Variants in STK35 observed in about 807,000 individuals in gnomAD.
STK35 encodes the protein serine/threonine-protein kinase 35.
A neutral mutation model predicts 37.3 loss-of-function variants in STK35; 17 were observed. The ratio of observed to expected loss-of-function variants is 0.46; its 90% CI spans 0.31 to 0.68. The LOEUF (loss-of-function observed/expected upper bound fraction) is 0.68, where lower values mean the gene tolerates loss of function less well. Among genes scored for constraint, STK35 ranks in the 30% least tolerant of loss-of-function variants. The pLI, the probability that STK35 is intolerant of heterozygous loss-of-function variation, is 0.05. For missense variants in STK35, 595 were observed against 746.7 expected (o/e 0.80, Z 2.37); for synonymous variants, 385 against 319.1 (o/e 1.21, Z -2.20).
chr20:2,115,096 C>T (rs1985690966), intron 2 of STK35, among the ~76,000 whole-genome samples: 1 of 152,168 alleles, frequency 6.6e-6, no homozygotes, highest in Non-Finnish European at 1.5e-5. Context: ...CTGGTTCTAC[C>T]TGTATTACTT....
At chr20:2,103,509 G>A (rs983286544) in intron 2 of STK35, 144 bp downstream of exon 2, 1 of 760,802 alleles carries the variant, frequency 1.3e-6, no homozygotes, top group African/African-American at 1.8e-5. Flanking sequence ...CCTTTCCTGG[G>A]CCCAGGCATT....
At chr20:2,130,234 C>T (rs759135562) in intron 3 of STK35, among the ~76,000 whole-genome samples, 10 of 152,092 alleles carry the variant, frequency 6.6e-5, no homozygotes, top group South Asian at 2.1e-4. Flanking sequence ...AAGTGGCGCC[C>T]GTTTATCTGG....
chr20:2,138,090 G>T (rs1378980138), intron 3 of STK35, among the ~76,000 whole-genome samples: 1 of 152,228 alleles, frequency 6.6e-6, no homozygotes, highest in Non-Finnish European at 1.5e-5. Flanking sequence ...CAGCTAGCAT[G>T]TCATAGGTAT....
Position 2,103,223 on chromosome 20 carries a change from C to A in STK35, c.750C>A (p.Ala250=), listed in dbSNP as rs781273816. The A allele has an allele frequency of 6.2e-7, 1 of 1,612,482 alleles. No homozygotes were observed. The highest frequency in any genetic ancestry group is 8.5e-7 in the Non-Finnish European group (1 of 1,179,790). ...AGCTGGCGCTGGCTGAATTCTGGGC[C>A]CTCACCAGCCTCAAGCGGCGCCACC... ...NVELALAEFW[A]LTSLKRRHQN... is the part of the protein sequence containing the mutation. Residue 250 remains alanine (A), a synonymous_variant, in exon 2 of 4, where the codon GCC becomes GCA. Transcript: ENST00000381482.
rs1265101662 is a variant in STK35, at chr20:2,117,654, A to T, written c.*37+239A>T. Among the ~76,000 whole-genome samples, 3 of 152,156 alleles carry T rather than the reference A, an allele frequency of 2.0e-5. No individual in the cohort carries two copies. The highest frequency in any genetic ancestry group is 7.2e-5 in the African/African-American group (3 of 41,428). ...GAGACGGAGTTTCACCATGTTGGCT[A>T]GGCTGGTCTCAAACTTCTGACCTCA... On this transcript the variant is annotated intron_variant, in intron 3 of 3. Transcript: ENST00000381482. The surrounding 1 kb of genome is among the most constrained non-coding windows in gnomAD (Gnocchi z 4.4).
intron 3 of STK35, among the ~76,000 whole-genome samples, chr20:2,120,806 A>G (rs1473503341): frequency 6.6e-6 from 1 of 152,196 alleles, no homozygotes; most frequent in Non-Finnish European, 1.5e-5. Flanking sequence ...GACAGTACCC[A>G]TAGGTAATGT....
chr20:2,141,346 A>G (rs954475466), intron 3 of STK35, among the ~76,000 whole-genome samples: 2 of 152,206 alleles, frequency 1.3e-5, no homozygotes, highest in Non-Finnish European at 1.5e-5. Context: ...GCAGAGTGAA[A>G]GACTGGGCCC....
At chr20:2,138,601 G>A (rs1440733431) in intron 3 of STK35, among the ~76,000 whole-genome samples, 1 of 152,186 alleles carries the variant, frequency 6.6e-6, no homozygotes, top group Non-Finnish European at 1.5e-5. Flanking sequence ...GATAAACCTC[G>A]TGGTTACCAG....
chr20:2,126,265 A>G (rs955682015), intron 3 of STK35, among the ~76,000 whole-genome samples: 1 of 152,182 alleles, frequency 6.6e-6, no homozygotes, highest in Non-Finnish European at 1.5e-5. Flanking sequence ...TTAGACCCCA[A>G]TATGGTCTCC....
rs776067052 is a variant in STK35 at position 2,102,913 on chromosome 20, G to T, written c.440G>T (p.Ser147Ile). 4.5e-6 allele frequency: 7 copies of T among 1,556,600 alleles called. No homozygotes were observed. In the South Asian group the frequency reaches 7.0e-5, roughly 16 times the overall value. Reference sequence around the variant, plus strand: ...GACGGCGCCCGCAGAGGTACACAAAGCCCGGAGCGGAAAAGGCGAAGCCCA... The same window carrying T: ...GACGGCGCCCGCAGAGGTACACAAATCCCGGAGCGGAAAAGGCGAAGCCCA... Reference protein sequence around the residue: ...GKDGARRGTQSPERKRRSPVP... With the variant: ...GKDGARRGTQIPERKRRSPVP... The change falls in exon 2 of 4, where the codon AGC becomes ATC. Residue 147 changes from serine to isoleucine, a missense_variant. Coordinates refer to ENST00000381482, the MANE Select transcript of STK35 (RefSeq NM_080836.4).
At chr20:2,102,665 G>A in intron 1 of STK35, 103 bp from the exon 2 acceptor site, 1 of 1,148,510 alleles carries the variant, frequency 8.7e-7, no homozygotes, top group South Asian at 2.1e-5. Flanking sequence ...CCGTCTTAAA[G>A]GGGCCGCGGC....
At chr20:2,109,674 G>T (rs1180759451) in intron 2 of STK35, among the ~76,000 whole-genome samples, 1 of 152,218 alleles carries the variant, frequency 6.6e-6, no homozygotes, top group African/African-American at 2.4e-5. Context: ...AGAGACATTA[G>T]CATAATTCAC....
rs59311850 is a variant in STK35, at chr20:2,116,644, C to A, written c.893-22C>A. On this transcript the variant is annotated intron_variant, in intron 2 of 3. Transcript: ENST00000381482. ...GACTGTGTCCATCTCACTCAAGCTC[C>A]TTCCTGTCTTCTTTGATTTAGGAGA... 4,083 of 1,600,856 alleles carry A rather than the reference C, an allele frequency of 2.6e-3. 47 individuals are homozygous for A. In the African/African-American group the frequency reaches 0.035, roughly 14 times the overall value.
At chr20:2,143,551 C>T (rs547686351) in intron 3 of STK35, among the ~76,000 whole-genome samples, 4 of 152,168 alleles carry the variant, frequency 2.6e-5, no homozygotes, top group Non-Finnish European at 4.4e-5. Context: ...GTGTCTGCCC[C>T]TTAGTCAGTG....
At chr20:2,115,164 C>T (rs555063279) in intron 2 of STK35, among the ~76,000 whole-genome samples, 9 of 152,286 alleles carry the variant, frequency 5.9e-5, no homozygotes, top group African/African-American at 2.2e-4. Flanking sequence ...TGAGGGCTAT[C>T]CGATTGTGAT....
chr20:2,117,088 G>C lies in STK35; in HGVS notation c.1315G>C (p.Ala439Pro). Residue 439 changes from alanine to proline, a missense_variant, in exon 3 of 4, where the codon GCC becomes CCC. Around this residue, in one of 3 missense-constraint regions of STK35, gnomAD observed 109 missense variants for 280.3 expected, o/e 0.39. Coordinates refer to ENST00000381482, the MANE Select transcript of STK35 (RefSeq NM_080836.4). The surrounding 1 kb of genome is among the most constrained non-coding windows in gnomAD (Gnocchi z 4.4). ...CTACACAGCCAAGGCGGACATCTTT[G>C]CCCTGGGCATTATCATCTGGGCAAT... ...GHYTAKADIF[A>P]LGIIIWAMIE... 1 of 1,613,970 alleles carries C rather than the reference G, an allele frequency of 6.2e-7. No homozygotes were observed. The highest frequency in any genetic ancestry group is 8.5e-7 in the Non-Finnish European group (1 of 1,179,870).
chr20:2,108,984 GTTCT>G (rs1466151259), intron 2 of STK35, among the ~76,000 whole-genome samples: 1 of 152,136 alleles, frequency 6.6e-6, no homozygotes, highest in Non-Finnish European at 1.5e-5. Context: ...TACTTTCTGT[GTTCT>G]TTCTCTTTTT....
intron 3 of STK35, among the ~76,000 whole-genome samples, chr20:2,136,520 C>T (rs193202787): frequency 4.6e-5 from 7 of 152,316 alleles, no homozygotes; most frequent in South Asian, 2.1e-4. Context: ...CCTGGCTTGC[C>T]GGGATTTTCA....
chr20:2,103,426 C>CCCACACTG, intron 2 of STK35, 61 bp downstream of exon 2: 1 of 1,518,560 alleles, frequency 6.6e-7, no homozygotes, highest in South Asian at 1.2e-5. Context: ...CTCCGGACGG[C>CCCACACTG]TTGGCCCACA....
Sources: gnomAD v4.1 joint callset for allele counts (sites outside exome capture counted in the v4.1 genomes callset) on GRCh38, gnomAD v4.1.1 for gene constraint, gnomAD v4.1.1 regional missense constraint, Gnocchi (gnomAD v3.1) non-coding constraint, MANE v1.5 for transcripts, NCBI Gene and HGNC (gene_info 2026-07-23, HGNC 2026-07-21) for gene names.